Variants in EPB41L5 observed in about 807,000 individuals in gnomAD.
EPB41L5 encodes the protein band 4.1-like protein 5.
In EPB41L5, 55 loss-of-function variants were observed where a neutral mutation model predicts 106.6. The ratio of observed to expected loss-of-function variants is 0.52; its 90% CI spans 0.42 to 0.65. The LOEUF (loss-of-function observed/expected upper bound fraction) is 0.65. Ranked by LOEUF, EPB41L5 falls within the 30% of genes least tolerant of loss-of-function variation. The pLI, the probability that EPB41L5 is intolerant of heterozygous loss-of-function variation, is 0.00. For missense variants in EPB41L5, 871 were observed against 882.1 expected (o/e 0.99, Z 0.16); for synonymous variants, 297 against 306.7 (o/e 0.97, Z 0.33).
chr2:120,066,854 A>C (rs531781135), intron 3 of EPB41L5, among the ~76,000 whole-genome samples: 1 of 152,346 alleles, frequency 6.6e-6, no homozygotes, highest in South Asian at 2.1e-4. Context: ...AGGCTGTAGT[A>C]GGTATTTGTG....
rs1353847380 is a variant in EPB41L5 at position 120,176,995 on chromosome 2, T to C, written c.*2088T>C. On this transcript the variant is annotated 3_prime_UTR_variant, in exon 25 of 25. Coordinates refer to ENST00000263713, the MANE Select transcript of EPB41L5 (RefSeq NM_020909.4). Reference sequence around the variant, plus strand: ...TTGAATTTCAAGCTCAGAGGAAACTTTGTCTCATGCCCTGACATGAAGTGG... The same window carrying C: ...TTGAATTTCAAGCTCAGAGGAAACTCTGTCTCATGCCCTGACATGAAGTGG... 6.6e-6 allele frequency: 1 copy of C among 152,136 alleles called. No individual in the cohort carries two copies. 9.4% of individuals were successfully genotyped at this position (152,136 alleles called of 1,614,324 possible). A position where few individuals can be genotyped will look rare whatever the true frequency, so the allele number is the denominator to read the frequency against.
intron 16 of EPB41L5, among the ~76,000 whole-genome samples, chr2:120,112,397 A>G (rs971143047): frequency 7.3e-4 from 111 of 152,358 alleles, no homozygotes; most frequent in Admixed American, 7.2e-4. Flanking sequence ...GATTGAATCA[A>G]TGAATACCAA....
At chr2:120,025,744 A>C (rs188749763) in intron 2 of EPB41L5, among the ~76,000 whole-genome samples, 1 of 152,358 alleles carries the variant, frequency 6.6e-6, no homozygotes, top group African/African-American at 2.4e-5. Flanking sequence ...TGCAGTCCCC[A>C]TGAGAATTCC....
At chr2:120,122,498 T>G (rs1340656976) in intron 16 of EPB41L5, among the ~76,000 whole-genome samples, 1 of 152,170 alleles carries the variant, frequency 6.6e-6, no homozygotes, top group Non-Finnish European at 1.5e-5. Context: ...ATGTGTGGTG[T>G]TATTTCTGAG....
intron 3 of EPB41L5, among the ~76,000 whole-genome samples, chr2:120,054,865 CT>C (rs34163490): frequency 0.62 from 79,917 of 129,288 alleles, 24,704 homozygotes; most frequent in Middle Eastern, 0.75. Flanking sequence ...CATATATACA[CT>C]TTTTTTTTTT....
At chr2:120,032,707 GC>G (rs1391764409) in intron 2 of EPB41L5, among the ~76,000 whole-genome samples, 1 of 152,112 alleles carries the variant, frequency 6.6e-6, no homozygotes, top group East Asian at 1.9e-4. Context: ...ACATTTCCAG[GC>G]CCGGTTTTGA....
intron 20 of EPB41L5, among the ~76,000 whole-genome samples, chr2:120,149,848 G>A (rs1686588668): frequency 6.7e-6 from 1 of 150,218 alleles, no homozygotes; most frequent in African/African-American, 2.4e-5. Context: ...CCAGTAATGA[G>A]TGAGGGTTTT....
At chr2:120,041,245 G>A (rs1167877265) in intron 2 of EPB41L5, among the ~76,000 whole-genome samples, 3 of 152,066 alleles carry the variant, frequency 2.0e-5, no homozygotes. Context: ...TTTAATAGAA[G>A]GTACTTGGAT....
intron 2 of EPB41L5, among the ~76,000 whole-genome samples, chr2:120,038,762 T>A (rs1679202003): frequency 6.6e-6 from 1 of 151,878 alleles, no homozygotes; most frequent in Admixed American, 6.6e-5. Context: ...TCAGAAAAAA[T>A]AAAAAATATA....
At chr2:120,074,078 C>A in intron 4 of EPB41L5, 22 bp from the exon 5 acceptor site, 1 of 1,246,572 alleles carries the variant, frequency 8.0e-7, no homozygotes, top group Non-Finnish European at 1.1e-6. Context: ...TTATTAAAAC[C>A]TTTTTTTTTT....
intron 16 of EPB41L5, 23 bp downstream of exon 16, chr2:120,100,837 A>G: frequency 1.4e-6 from 2 of 1,444,746 alleles, no homozygotes; most frequent in Middle Eastern, 1.7e-4. Context: ...CTTAAACTAA[A>G]ATAAAATATT....
chr2:120,166,252 G>A (rs1376731623), intron 22 of EPB41L5, among the ~76,000 whole-genome samples: 3 of 152,132 alleles, frequency 2.0e-5, no homozygotes, highest in Admixed American at 2.0e-4. Flanking sequence ...TTCCCAGGTG[G>A]TGCAGATGTG....
At chr2:120,104,935 T>A (rs1395799657) in intron 16 of EPB41L5, 26 of 978,418 alleles carry the variant, frequency 2.7e-5, no homozygotes, top group Non-Finnish European at 3.0e-5. Context: ...AACCAGTGGT[T>A]AACTGAATGG....
In EPB41L5 at chr2:120,027,640, A is replaced by T. The variant is rs543374421; in HGVS notation, c.180+8376A>T. Among the ~76,000 whole-genome samples the T allele has an allele frequency of 9.3e-4, 141 of 152,206 alleles. 1 individual carries two copies. The highest frequency in any genetic ancestry group is 3.4e-3 in the African/African-American group (140 of 41,526). On this transcript the variant is annotated intron_variant, in intron 2 of 24. Transcript: ENST00000263713. ...GGCTGGATTTGAACTCTTAGGCTCAAGTGATGCACCACTCACCTCAGCCTC... is the reference window on the plus strand; with the variant it reads ...GGCTGGATTTGAACTCTTAGGCTCATGTGATGCACCACTCACCTCAGCCTC...
In EPB41L5 at chr2:120,040,071, T is replaced by A. The variant is rs370189891; in HGVS notation, c.181-1935T>A. 3.6e-3 allele frequency among the ~76,000 whole-genome samples: 525 copies of A among 146,662 alleles called. 1 individual carries two copies. Among genetic ancestry groups the A allele is most frequent in the African/African-American group, 4.2e-3 (168 of 39,640 alleles). On this transcript the variant is annotated intron_variant, in intron 2 of 24. Transcript: ENST00000263713. ...CTTTCTGAACTTTTGTCTGTGCTTT[T>A]TATATATATATATATACGTATTTAA...
At chr2:120,029,209 G>A (rs1249025789) in intron 2 of EPB41L5, among the ~76,000 whole-genome samples, 3 of 152,112 alleles carry the variant, frequency 2.0e-5, no homozygotes, top group Non-Finnish European at 4.4e-5. Flanking sequence ...CTGTTGCTCA[G>A]GTTGGAGTGC....
intron 4 of EPB41L5, 152 bp downstream of exon 4, chr2:120,073,372 C>T: frequency 1.2e-5 from 8 of 679,988 alleles, no homozygotes; most frequent in Non-Finnish European, 1.7e-5. Flanking sequence ...CACTGAGCTA[C>T]TCCCCAAGTC....
chr2:120,152,030 T>G (rs534316961), intron 20 of EPB41L5, among the ~76,000 whole-genome samples: 30 of 152,332 alleles, frequency 2.0e-4, no homozygotes, highest in African/African-American at 7.0e-4. Context: ...TTTTCTTACC[T>G]GATTGCTTTG....
chr2:120,168,774 C>T (rs1481968025), intron 24 of EPB41L5, among the ~76,000 whole-genome samples: 1 of 152,182 alleles, frequency 6.6e-6, no homozygotes, highest in Non-Finnish European at 1.5e-5. Flanking sequence ...GCATATTACT[C>T]AGCAAACAAA....
Sources: gnomAD v4.1 joint callset for allele counts (sites outside exome capture counted in the v4.1 genomes callset) on GRCh38, gnomAD v4.1.1 for gene constraint, MANE v1.5 for transcripts, NCBI Gene and HGNC (gene_info 2026-07-23, HGNC 2026-07-21) for gene names.